Variants in NRF1 observed in about 807,000 individuals in gnomAD.
NRF1 encodes alpha palindromic-binding protein.
NRF1 carries 5 observed loss-of-function variants against 58.5 expected under a neutral mutation model. The ratio of observed to expected loss-of-function variants is 0.09; its 90% confidence interval spans 0.04 to 0.18. NRF1 has a LOEUF of 0.18. Among genes scored for constraint, NRF1 ranks in the 10% least tolerant of loss-of-function variants. The pLI is 1.00. For synonymous variants in NRF1, 224 were observed against 246.7 expected (o/e 0.91, Z 0.86); for missense variants, 288 against 657.7 (o/e 0.44, Z 6.15).
chr7:129,692,107 G>A (rs911870081), intron 5 of NRF1, among the ~76,000 whole-genome samples: 4 of 151,928 alleles, frequency 2.6e-5, no homozygotes, highest in African/African-American at 9.7e-5. Flanking sequence ...CCACCCTCCC[G>A]GTGGCAGGTC....
At chr7:129,692,139 G>C (rs1419544945) in intron 5 of NRF1, among the ~76,000 whole-genome samples, 1 of 152,044 alleles carries the variant, frequency 6.6e-6, no homozygotes, top group Non-Finnish European at 1.5e-5. Flanking sequence ...CCTCTGAAAT[G>C]TACCCTGACT....
At chr7:129,662,828 A>C (rs1477094338) in intron 2 of NRF1, among the ~76,000 whole-genome samples, 2 of 151,958 alleles carry the variant, frequency 1.3e-5, no homozygotes, top group Admixed American at 1.3e-4. Flanking sequence ...GGGTCATAGG[A>C]TAATAGTGGA....
intron 6 of NRF1, among the ~76,000 whole-genome samples, chr7:129,709,728 T>C (rs1803028271): frequency 1.4e-5 from 2 of 142,258 alleles, no homozygotes. Flanking sequence ...TTCTTTTCTT[T>C]CTTTTTTTTT....
chr7:129,692,650 T>A (rs908040875), intron 5 of NRF1, among the ~76,000 whole-genome samples: 6 of 152,204 alleles, frequency 3.9e-5, no homozygotes, highest in African/African-American at 1.4e-4. Flanking sequence ...GTAATGGTTT[T>A]CCACTATTCC....
At chr7:129,642,183 C>G (rs1801306200) in intron 1 of NRF1, among the ~76,000 whole-genome samples, 1 of 150,894 alleles carries the variant, frequency 6.6e-6, no homozygotes. Context: ...AGGGTTTCAC[C>G]CAGTTGGCCA....
At chr7:129,613,322 G>C (rs1800583717) in intron 1 of NRF1, among the ~76,000 whole-genome samples, 1 of 152,096 alleles carries the variant, frequency 6.6e-6, no homozygotes, top group South Asian at 2.1e-4. Flanking sequence ...TGATTCATTA[G>C]TATCCCGACT....
intron 1 of NRF1, among the ~76,000 whole-genome samples, chr7:129,652,216 C>A (rs1010979602): frequency 6.6e-5 from 10 of 152,096 alleles, no homozygotes; most frequent in African/African-American, 2.4e-4. Context: ...TAATTATGTT[C>A]TTTTACATGC....
In NRF1 at chr7:129,699,872, G is replaced by T. The variant is rs530028580; in HGVS notation, c.607-9203G>T. ...TTCTAGAAATAGGCCGGGCGCAGTG[G>T]CTCATGCCTGTAATCCCAGCACTTT... is the stretch of plus-strand genomic sequence containing the variant. On this transcript the variant is annotated intron_variant, in intron 5 of 10. Transcript: ENST00000393232. Among the ~76,000 whole-genome samples, 7 of 152,092 alleles carry T rather than the reference G, an allele frequency of 4.6e-5. No homozygotes were observed. The East Asian group carries it at 1.2e-3, about 25-fold the overall frequency.
chr7:129,636,967 C>T (rs1461468170), intron 1 of NRF1, among the ~76,000 whole-genome samples: 1 of 151,918 alleles, frequency 6.6e-6, no homozygotes, highest in African/African-American at 2.4e-5. Context: ...GCTTGCAGGC[C>T]CCAGTTACTG....
At chr7:129,745,354 G>A (rs1488308042) in intron 10 of NRF1, among the ~76,000 whole-genome samples, 3 of 152,092 alleles carry the variant, frequency 2.0e-5, no homozygotes, top group African/African-American at 4.8e-5. Context: ...TCCCTGGCAC[G>A]GCAGGAGGTG....
chr7:129,714,619 G>A (rs1803146714), intron 8 of NRF1, among the ~76,000 whole-genome samples: 1 of 152,142 alleles, frequency 6.6e-6, no homozygotes, highest in Non-Finnish European at 1.5e-5. Flanking sequence ...TTCCTGAGGG[G>A]CAATTTTGCA....
chr7:129,619,831 T>G (rs1800753275), intron 1 of NRF1, among the ~76,000 whole-genome samples: 1 of 150,644 alleles, frequency 6.6e-6, no homozygotes, highest in South Asian at 2.1e-4. Flanking sequence ...AAATAACCTC[T>G]TGCAGAGTTT....
intron 4 of NRF1, among the ~76,000 whole-genome samples, chr7:129,680,563 A>G (rs1244064082): frequency 6.6e-6 from 1 of 152,238 alleles, no homozygotes; most frequent in African/African-American, 2.4e-5. Context: ...CGGCTGATGA[A>G]TGGATAAATA....
chr7:129,645,768 GT>G (rs1455177879), intron 1 of NRF1, among the ~76,000 whole-genome samples: 5 of 152,300 alleles, frequency 3.3e-5, no homozygotes, highest in African/African-American at 1.2e-4. Context: ...ATAAGTTTGT[GT>G]TGATATCACC....
intron 2 of NRF1, among the ~76,000 whole-genome samples, chr7:129,663,884 G>A (rs1424989312): frequency 6.6e-6 from 1 of 152,174 alleles, no homozygotes. Flanking sequence ...CAGCACCTCG[G>A]GAGGCCGAGG....
chr7:129,699,760 AT>A (rs1802776883), intron 5 of NRF1, among the ~76,000 whole-genome samples: 1 of 151,390 alleles, frequency 6.6e-6, no homozygotes, highest in African/African-American at 2.4e-5. Context: ...GAAAGAAAAT[AT>A]AAGTTACCAG....
intron 1 of NRF1, among the ~76,000 whole-genome samples, chr7:129,654,109 G>A (rs776986946): frequency 3.9e-5 from 6 of 152,180 alleles, no homozygotes; most frequent in Non-Finnish European, 8.8e-5. Flanking sequence ...TAGAGTTCCT[G>A]TTGCTCCACA....
chr7:129,699,030 C>G (rs1802759722), intron 5 of NRF1, among the ~76,000 whole-genome samples: 3 of 152,196 alleles, frequency 2.0e-5, no homozygotes, highest in South Asian at 2.1e-4. Context: ...TTAAAATCCA[C>G]TCTTCTTTCC....
At chr7:129,665,991 A>T (rs1801913116) in intron 2 of NRF1, among the ~76,000 whole-genome samples, 1 of 152,246 alleles carries the variant, frequency 6.6e-6, no homozygotes, top group South Asian at 2.1e-4. Context: ...GTTAATAAAG[A>T]AGTGGAGAAA....
Sources: gnomAD v4.1 joint callset for allele counts (sites outside exome capture counted in the v4.1 genomes callset) on GRCh38, gnomAD v4.1.1 for gene constraint, MANE v1.5 for transcripts, NCBI Gene and HGNC (gene_info 2026-07-23, HGNC 2026-07-21) for gene names.